CRACR2A: variants seen among roughly 807,000 people sequenced by gnomAD.
CRACR2A encodes the protein calcium release activated channel regulator 2A, also known as EF-hand calcium-binding domain-containing protein 4B.
A neutral mutation model predicts 90.5 loss-of-function variants in CRACR2A; 79 were observed. That is an observed-to-expected ratio of 0.87 (90% CI 0.73 to 1.05). CRACR2A has a LOEUF of 1.05. Among genes scored for constraint, CRACR2A ranks in the 50% least tolerant of loss-of-function variants. The pLI, the probability that CRACR2A is intolerant of heterozygous loss-of-function variation, is 0.00. For missense variants in CRACR2A, 823 were observed against 897.2 expected (o/e 0.92, Z 1.06); for synonymous variants, 338 against 356.7 (o/e 0.95, Z 0.59).
chr12:3,648,705 C>G, intron 10 of CRACR2A, 92 bp from the exon 11 acceptor site: 3 of 1,515,814 alleles, frequency 2.0e-6, no homozygotes, highest in Non-Finnish European at 2.7e-6. Flanking sequence ...TGATGCCGTG[C>G]TGGGGATGGA....
At chr12:3,734,557 A>G (rs1332528943) in intron 1 of CRACR2A, among the ~76,000 whole-genome samples, 1 of 152,142 alleles carries the variant, frequency 6.6e-6, no homozygotes, top group African/African-American at 2.4e-5. Flanking sequence ...AGTATTCACA[A>G]TCACCAAGAC....
chr12:3,644,898 T>C (rs1944657793), intron 11 of CRACR2A, among the ~76,000 whole-genome samples: 1 of 152,202 alleles, frequency 6.6e-6, no homozygotes, highest in East Asian at 1.9e-4. Flanking sequence ...ATGGCCTCTC[T>C]TATTATTAGG....
At chr12:3,669,415 C>T (rs1207784618) in intron 7 of CRACR2A, among the ~76,000 whole-genome samples, 1 of 152,188 alleles carries the variant, frequency 6.6e-6, no homozygotes, top group Non-Finnish European at 1.5e-5. Context: ...GTGTGAAGAC[C>T]TCCGCACATC....
At chr12:3,732,826 C>A (rs564066982) in intron 2 of CRACR2A, 116 bp downstream of exon 2, 1 of 152,334 alleles carries the variant, frequency 6.6e-6, no homozygotes, top group East Asian at 1.9e-4. Context: ...AAATCAGAGA[C>A]CCTCAGGAGA....
At chr12:3,657,955 A>G (rs1456587822) in intron 8 of CRACR2A, among the ~76,000 whole-genome samples, 1 of 152,218 alleles carries the variant, frequency 6.6e-6, no homozygotes, top group African/African-American at 2.4e-5. Flanking sequence ...AGCCTTTTCC[A>G]TGATGTCAGA....
At chr12:3,639,392 G>A (rs1944517812) in intron 13 of CRACR2A, among the ~76,000 whole-genome samples, 1 of 150,470 alleles carries the variant, frequency 6.6e-6, no homozygotes. Context: ...GGTTTTGAGA[G>A]CAAAGGCCTC....
chr12:3,634,187 C>T (rs1327227183), intron 14 of CRACR2A, among the ~76,000 whole-genome samples: 3 of 152,120 alleles, frequency 2.0e-5, no homozygotes, highest in Non-Finnish European at 2.9e-5. Context: ...GAGAGAAGGA[C>T]GAAAGAAGGC....
intron 2 of CRACR2A, chr12:3,730,217 A>C (rs1430420538): frequency 1.3e-5 from 2 of 152,260 alleles, no homozygotes; most frequent in Non-Finnish European, 2.9e-5. Context: ...TTGAAGAGAC[A>C]TGAGTACATG....
intron 1 of CRACR2A, among the ~76,000 whole-genome samples, chr12:3,745,537 G>A (rs530685671): frequency 6.6e-6 from 1 of 152,090 alleles, no homozygotes; most frequent in Non-Finnish European, 1.5e-5. Context: ...ACTTTGGGAG[G>A]CCAAGGCAGG....
intron 1 of CRACR2A, among the ~76,000 whole-genome samples, chr12:3,737,277 C>T (rs1035649655): frequency 4.6e-5 from 7 of 152,204 alleles, no homozygotes; most frequent in South Asian, 4.2e-4. Context: ...AGGTAGAACA[C>T]GCTTTTTGTG....
At chr12:3,659,892 T>C (rs1413510367) in intron 7 of CRACR2A, among the ~76,000 whole-genome samples, 1 of 152,152 alleles carries the variant, frequency 6.6e-6, no homozygotes, top group Non-Finnish European at 1.5e-5. Context: ...ATGTGGCCTC[T>C]CCTCCTTCTG....
intron 2 of CRACR2A, among the ~76,000 whole-genome samples, chr12:3,722,226 T>C (rs1946192676): frequency 6.6e-6 from 1 of 152,186 alleles, no homozygotes; most frequent in Admixed American, 6.5e-5. Context: ...TTATTCCTTA[T>C]TTTGCAGGTT....
chr12:3,734,649 GTGTGCATATA>G (rs1946420596), intron 1 of CRACR2A, among the ~76,000 whole-genome samples: 1 of 99,396 alleles, frequency 1.0e-5, no homozygotes, highest in Admixed American at 1.3e-4. Context: ...GTGTGTGTGT[GTGTGCATATA>G]CATAATAGAA....
chr12:3,619,533 G>A (rs908751580), intron 17 of CRACR2A, among the ~76,000 whole-genome samples, 161 bp from the exon 18 acceptor site: 2 of 152,182 alleles, frequency 1.3e-5, no homozygotes, highest in Non-Finnish European at 2.9e-5. Flanking sequence ...GAAAACAGCC[G>A]CCTTCTCCAA....
At chr12:3,723,336 A>G (rs1378090061) in intron 2 of CRACR2A, among the ~76,000 whole-genome samples, 1 of 152,104 alleles carries the variant, frequency 6.6e-6, no homozygotes, top group African/African-American at 2.4e-5. Context: ...TCTGGAGGAC[A>G]CTGTTTCTCT....
intron 6 of CRACR2A, among the ~76,000 whole-genome samples, chr12:3,674,538 A>G (rs112148658): frequency 6.6e-6 from 1 of 152,208 alleles, no homozygotes; most frequent in Non-Finnish European, 1.5e-5. Context: ...TAATTCAATA[A>G]AAGTTAATAA....
At chr12:3,643,892 A>G (rs1230587858) in intron 12 of CRACR2A, among the ~76,000 whole-genome samples, 5 of 102,436 alleles carry the variant, frequency 4.9e-5, no homozygotes, top group Middle Eastern at 4.4e-3. Flanking sequence ...ATATTAATAT[A>G]TAATATATAT....
At chr12:3,667,188 A>C (rs938511619) in intron 7 of CRACR2A, among the ~76,000 whole-genome samples, 5 of 152,240 alleles carry the variant, frequency 3.3e-5, no homozygotes, top group African/African-American at 1.2e-4. Flanking sequence ...CAAGTGAAGA[A>C]AATGAGGGTC....
chr12:3,690,646 G>A (rs572114714), intron 4 of CRACR2A, among the ~76,000 whole-genome samples: 1 of 152,316 alleles, frequency 6.6e-6, no homozygotes, highest in South Asian at 2.1e-4. Flanking sequence ...TTGTTTGGGG[G>A]TGGAGAGTTC....
Sources: allele counts gnomAD v4.1 joint callset (sites outside exome capture counted in the v4.1 genomes callset), GRCh38; gene constraint gnomAD v4.1.1; transcripts MANE v1.5; gene names NCBI Gene and HGNC (gene_info 2026-07-23, HGNC 2026-07-21).